SPATA13: variants seen among roughly 807,000 people sequenced by gnomAD.
SPATA13 encodes spermatogenesis-associated protein 13.
A neutral mutation model predicts 104.0 loss-of-function variants in SPATA13; 50 were observed. That is an observed-to-expected ratio of 0.48 (90% CI 0.38 to 0.61). The LOEUF is 0.61. SPATA13 is among the 20% of genes least tolerant of loss of function. SPATA13 has a pLI of 0.00. For missense variants in SPATA13, 1,524 were observed against 1,690.6 expected (o/e 0.90, Z 1.73); for synonymous variants, 606 against 667.5 (o/e 0.91, Z 1.42).
At chr13:24,153,594 G>C (rs1031091774) in intron 3 of SPATA13, among the ~76,000 whole-genome samples, 14 of 152,128 alleles carry the variant, frequency 9.2e-5, no homozygotes, top group Admixed American at 2.6e-4. Context: ...AATGATCCAC[G>C]GTACGCTGCA....
chr13:24,207,031 T>C (rs1184578183), intron 1 of SPATA13, among the ~76,000 whole-genome samples: 3 of 152,188 alleles, frequency 2.0e-5, no homozygotes, highest in Non-Finnish European at 4.4e-5. Context: ...TGGAATACTA[T>C]GCAGCCATAA....
chr13:24,160,641 T>C (rs775692755), upstream of SPATA13: 1 of 777,732 alleles, frequency 1.3e-6, no homozygotes, highest in Non-Finnish European at 1.5e-6. Flanking sequence ...ACCGGGGGCG[T>C]GGCCTGATAT....
At chr13:24,143,466 A>G (rs949092187) in intron 3 of SPATA13, among the ~76,000 whole-genome samples, 2 of 152,182 alleles carry the variant, frequency 1.3e-5, no homozygotes, top group Non-Finnish European at 2.9e-5. Context: ...TCTCATTCCT[A>G]TGTTCTTTTA....
intron 3 of SPATA13, among the ~76,000 whole-genome samples, chr13:24,067,697 A>T (rs1352084757): frequency 6.6e-6 from 1 of 152,002 alleles, no homozygotes; most frequent in East Asian, 1.9e-4. Flanking sequence ...AATATGCATG[A>T]TTTCTTTTTG....
intron 2 of SPATA13, among the ~76,000 whole-genome samples, chr13:24,003,173 G>T: frequency 6.6e-6 from 1 of 150,878 alleles, no homozygotes; most frequent in East Asian, 1.9e-4. Flanking sequence ...AAATGCAGGG[G>T]TGTGTGTGTG....
rs963011648 is a variant in SPATA13, at chr13:24,222,998, C to T, written c.69C>T (p.Leu23=). ...ACATGACCACTGCCCCAAACGGCCTCGGGCCAGGCCCCGCAGCCCCCTGTG... is the reference window on the plus strand; with the variant it reads ...ACATGACCACTGCCCCAAACGGCCTTGGGCCAGGCCCCGCAGCCCCCTGTG... ...LENMTTAPNG[L]GPGPAAPCAG... Residue 23 remains leucine, a synonymous_variant, in exon 2 of 13, where the codon CTC becomes CTT. Coordinates refer to ENST00000382108, the MANE Select transcript of SPATA13 (RefSeq NM_001166271.3). 7.1e-6 allele frequency: 11 copies of T among 1,551,176 alleles called. No homozygotes were observed. The highest frequency in any genetic ancestry group is 2.7e-5 in the African/African-American group (2 of 73,062).
intron 3 of SPATA13, among the ~76,000 whole-genome samples, chr13:24,135,681 G>T: frequency 8.4e-6 from 1 of 119,746 alleles, no homozygotes; most frequent in African/African-American, 3.1e-5. Context: ...CTGGGCGACA[G>T]AGCAAGAATC....
chr13:24,241,653 C>T (rs1249657827), intron 2 of SPATA13, among the ~76,000 whole-genome samples: 1 of 152,172 alleles, frequency 6.6e-6, no homozygotes, highest in Admixed American at 6.6e-5. Flanking sequence ...GGTGGTTGGC[C>T]CCGTTTATGG....
intron 4 of SPATA13, among the ~76,000 whole-genome samples, chr13:24,281,013 A>C (rs545570038): frequency 1.5e-4 from 23 of 152,170 alleles, no homozygotes; most frequent in Admixed American, 2.6e-4. Context: ...CCCCAGCCAG[A>C]CAGACATGGG....
At chr13:24,222,360 G>A (rs7334520) in intron 1 of SPATA13, among the ~76,000 whole-genome samples, 47,058 of 152,064 alleles carry the variant, frequency 0.31, 7,468 homozygotes, top group East Asian at 0.5. Flanking sequence ...TTATTCCTGC[G>A]TGTGCCAGCA....
rs1876889346 is a variant in SPATA13 at position 24,297,668 on chromosome 13, A to G, written c.3516A>G (p.Glu1172=). ...ATTTGTTTTGTGCCAAAAAACAAGA[A>G]GACAAGGCGAGGTGGCTGCAGGCCT... is the stretch of plus-strand genomic sequence containing the variant. ...EVYLFCAKKQ[E]DKARWLQACA... is the part of the protein sequence containing the mutation. Residue 1172 remains glutamate (E), a synonymous_variant, in exon 11 of 13, where the codon GAA becomes GAG. Transcript: ENST00000382108. 1 of 1,614,272 alleles carries G rather than the reference A, an allele frequency of 6.2e-7. No individual in the cohort carries two copies. Among genetic ancestry groups the G allele is most frequent in the Non-Finnish European group, 8.5e-7 (1 of 1,180,052 alleles).
chr13:24,278,845 C>T, intron 4 of SPATA13: 1 of 1,573,202 alleles, frequency 6.4e-7, no homozygotes, highest in Non-Finnish European at 8.5e-7. Flanking sequence ...ACCCCAAAGC[C>T]TTGCATGAAG....
intron 3 of SPATA13, among the ~76,000 whole-genome samples, chr13:24,110,841 A>T (rs1327944458): frequency 6.6e-6 from 1 of 152,178 alleles, no homozygotes; most frequent in East Asian, 1.9e-4. Flanking sequence ...AAGAATAAAC[A>T]CCAAGGTTTT....
At chr13:24,059,226 CT>C (rs1878693245) in intron 3 of SPATA13, among the ~76,000 whole-genome samples, 3 of 151,690 alleles carry the variant, frequency 2.0e-5, no homozygotes, top group African/African-American at 7.2e-5. Flanking sequence ...CCCCCTCGGC[CT>C]CCTAAAGTGC....
intron 4 of SPATA13, among the ~76,000 whole-genome samples, chr13:24,283,089 C>T (rs990591348): frequency 2.9e-4 from 44 of 152,278 alleles, no homozygotes; most frequent in Non-Finnish European, 6.0e-4. Flanking sequence ...GCATGTGCTT[C>T]GAATCAAGCC....
At chr13:24,285,131 T>C (rs1420173074) in intron 5 of SPATA13, among the ~76,000 whole-genome samples, 2 of 152,172 alleles carry the variant, frequency 1.3e-5, no homozygotes, top group African/African-American at 2.4e-5. Flanking sequence ...ATGTGTATCG[T>C]TGGGCGCTAA....
chr13:24,172,840 G>T (rs892568535), intron 1 of SPATA13, among the ~76,000 whole-genome samples: 4 of 152,154 alleles, frequency 2.6e-5, no homozygotes, highest in Non-Finnish European at 5.9e-5. Context: ...TGTTAGAATA[G>T]TCGTCTCTCC....
upstream of SPATA13, among the ~76,000 whole-genome samples, chr13:24,158,786 A>G (rs1246961276): frequency 6.6e-6 from 1 of 152,214 alleles, no homozygotes; most frequent in Non-Finnish European, 1.5e-5. Context: ...GTGAGGTCCC[A>G]CTGTCACCGG....
intron 3 of SPATA13, among the ~76,000 whole-genome samples, chr13:24,032,132 T>TC (rs775593888): frequency 3.9e-5 from 6 of 152,188 alleles, no homozygotes; most frequent in Non-Finnish European, 8.8e-5. Context: ...TGACGTCTGA[T>TC]CACCCGGCTT....
Sources: allele counts gnomAD v4.1 joint callset (sites outside exome capture counted in the v4.1 genomes callset), GRCh38; gene constraint gnomAD v4.1.1; transcripts MANE v1.5; gene names NCBI Gene and HGNC (gene_info 2026-07-23, HGNC 2026-07-21).